The following DEPDC1B variants were observed in gnomAD, a reference collection of about 807,000 sequenced individuals.
DEPDC1B encodes DEP domain-containing protein 1B.
A neutral mutation model predicts 66.5 loss-of-function variants in DEPDC1B; 51 were observed. The ratio of observed to expected loss-of-function variants is 0.77; its 90% CI spans 0.61 to 0.97. DEPDC1B has a LOEUF of 0.97. Among genes scored for constraint, DEPDC1B ranks in the 50% least tolerant of loss-of-function variants. DEPDC1B has a pLI of 0.00. For missense variants in DEPDC1B, 552 were observed against 637.1 expected, an observed-to-expected ratio of 0.87 and a Z score of 1.44; for synonymous variants, 226 against 223.6, an observed-to-expected ratio of 1.01 and a Z score of -0.10.
At chr5:60,618,296 A>C (rs767556911) in intron 7 of DEPDC1B, among the ~76,000 whole-genome samples, 4 of 152,206 alleles carry the variant, frequency 2.6e-5, no homozygotes, top group Non-Finnish European at 5.9e-5. Context: ...TCAGAGCAGA[A>C]CTGAAGGAAA....
At chr5:60,617,185 G>A (rs1314694210) in intron 7 of DEPDC1B, among the ~76,000 whole-genome samples, 1 of 152,172 alleles carries the variant, frequency 6.6e-6, no homozygotes, top group Non-Finnish European at 1.5e-5. Context: ...GCAAAATCAT[G>A]CCAAATTGTA....
intron 6 of DEPDC1B, among the ~76,000 whole-genome samples, chr5:60,642,094 C>T (rs1276536188): frequency 2.6e-5 from 4 of 152,194 alleles, no homozygotes; most frequent in South Asian, 2.1e-4. Flanking sequence ...TACTAATTCA[C>T]GAATTTAAAG....
intron 7 of DEPDC1B, among the ~76,000 whole-genome samples, chr5:60,610,579 A>C (rs1340139943): frequency 1.3e-5 from 2 of 152,250 alleles, no homozygotes; most frequent in African/African-American, 4.8e-5. Flanking sequence ...TGAATAATAA[A>C]TCATTTAATT....
rs79814060 is a variant in DEPDC1B at position 60,697,074 on chromosome 5, A to C, written c.48+2972T>G. On this transcript the variant is annotated intron_variant, in intron 1 of 10. Coordinates refer to ENST00000265036, the MANE Select transcript of DEPDC1B (RefSeq NM_018369.3). ...AACTCAGAATAAGTTCAAAGATTTAAGCAGTTTCTAGAAAAAAAATTTTTC... is the reference window on the plus strand; with the variant it reads ...AACTCAGAATAAGTTCAAAGATTTACGCAGTTTCTAGAAAAAAAATTTTTC... Among the ~76,000 whole-genome samples the C allele has an allele frequency of 2.9e-4, 44 of 152,350 alleles. 1 individual carries two copies. In the East Asian group the frequency reaches 8.1e-3, roughly 28 times the overall value.
chr5:60,675,667 T>C (rs1287798694), intron 2 of DEPDC1B, among the ~76,000 whole-genome samples: 1 of 152,122 alleles, frequency 6.6e-6, no homozygotes, highest in Non-Finnish European at 1.5e-5. Flanking sequence ...TACAGAGCAG[T>C]TACAGGGTCT....
chr5:60,691,088 G>A (rs1421176555), intron 1 of DEPDC1B, among the ~76,000 whole-genome samples: 1 of 146,856 alleles, frequency 6.8e-6, no homozygotes, highest in African/African-American at 2.5e-5. Context: ...GAGTCTCACC[G>A]TATAGTCCAG....
Position 60,599,106 on chromosome 5 carries a change from G to T in DEPDC1B, c.1397C>A (p.Ser466Tyr). Residue 466 changes from serine (S) to tyrosine (Y), a missense_variant, in exon 10 of 11, where the codon TCC (serine) becomes TAC (tyrosine). Coordinates refer to ENST00000265036, the MANE Select transcript of DEPDC1B (RefSeq NM_018369.3). ...CAGTTTCTTCTTTTTCTCTTTGTTG[G>T]AGAGTTTGGCATCTGTTATGACTTC... ...LEEVITDAKL[S>Y]NKEKKKKLKQ... 6.2e-7 allele frequency: 1 copy of T among 1,602,666 alleles called. No individual in the cohort carries two copies. Among genetic ancestry groups the T allele is most frequent in the East Asian group, 2.2e-5 (1 of 44,582 alleles).
At chr5:60,673,737 T>C (rs535615700) in intron 2 of DEPDC1B, among the ~76,000 whole-genome samples, 1 of 152,358 alleles carries the variant, frequency 6.6e-6, no homozygotes, top group South Asian at 2.1e-4. Context: ...CAGCAAGTTA[T>C]AGTTTAGAAC....
intron 7 of DEPDC1B, among the ~76,000 whole-genome samples, chr5:60,627,409 A>C (rs1752829005): frequency 6.6e-6 from 1 of 152,078 alleles, no homozygotes; most frequent in African/African-American, 2.4e-5. Context: ...TGGTTTAAGA[A>C]GTTCTGAAGG....
At position 60,647,494 on chromosome 5, in the gene DEPDC1B, C is replaced by T; in HGVS notation, c.354G>A (p.Lys118=). 1 of 1,612,174 alleles carries T rather than the reference C, an allele frequency of 6.2e-7. No individual in the cohort carries two copies. The highest frequency in any genetic ancestry group is 8.5e-7 in the Non-Finnish European group (1 of 1,179,340). The change falls in exon 3 of 11, where the codon AAG becomes AAA. Residue 118 remains lysine, a synonymous_variant. Coordinates refer to ENST00000265036, the MANE Select transcript of DEPDC1B (RefSeq NM_018369.3). ...TAATAACATCCTTTTGGTTTGGGGG[C>T]TTCTTTGGATATGGTTTCAGGGGTG... ...PSSPLKPYPK[K]PPNQKDVIKF...
chr5:60,662,481 C>T (rs1753741863), intron 2 of DEPDC1B, among the ~76,000 whole-genome samples: 1 of 151,918 alleles, frequency 6.6e-6, no homozygotes, highest in African/African-American at 2.4e-5. Flanking sequence ...TAATAGAGAT[C>T]AAGAGGAACA....
intron 7 of DEPDC1B, among the ~76,000 whole-genome samples, chr5:60,616,586 A>C (rs1051087157): frequency 1.3e-5 from 2 of 151,976 alleles, no homozygotes; most frequent in Admixed American, 6.6e-5. Flanking sequence ...AAGTTTACAG[A>C]AAAAAGAATA....
chr5:60,655,613 C>A (rs1232621921), intron 2 of DEPDC1B, among the ~76,000 whole-genome samples: 1 of 149,038 alleles, frequency 6.7e-6, no homozygotes, highest in Non-Finnish European at 1.5e-5. Flanking sequence ...TTTTTTGTTT[C>A]AATTTCATTT....
chr5:60,666,601 G>C (rs1753846282), intron 2 of DEPDC1B, among the ~76,000 whole-genome samples: 1 of 152,186 alleles, frequency 6.6e-6, no homozygotes, highest in African/African-American at 2.4e-5. Flanking sequence ...TGTCTGCCAA[G>C]ATTCCTGTGA....
intron 1 of DEPDC1B, among the ~76,000 whole-genome samples, chr5:60,692,816 G>A (rs565308316): frequency 1.3e-5 from 2 of 152,036 alleles, no homozygotes; most frequent in South Asian, 4.2e-4. Flanking sequence ...CAGTGAAAAT[G>A]AACGAACTAT....
chr5:60,671,057 T>G (rs1754023572), intron 2 of DEPDC1B, among the ~76,000 whole-genome samples: 2 of 152,086 alleles, frequency 1.3e-5, no homozygotes, highest in Non-Finnish European at 2.9e-5. Context: ...ACAGAAACAT[T>G]AGCTCAAAAA....
chr5:60,680,381 C>T (rs1022495397), intron 2 of DEPDC1B, among the ~76,000 whole-genome samples: 3 of 152,088 alleles, frequency 2.0e-5, no homozygotes, highest in African/African-American at 7.2e-5. Flanking sequence ...ATTCACTCCT[C>T]CCTTCAATTT....
At chr5:60,626,979 T>C (rs1353399168) in intron 7 of DEPDC1B, among the ~76,000 whole-genome samples, 2 of 152,150 alleles carry the variant, frequency 1.3e-5, no homozygotes, top group Non-Finnish European at 2.9e-5. Context: ...GGGGTATCTA[T>C]AATACTTGTG....
chr5:60,699,614 C>T (rs6449485), intron 1 of DEPDC1B, among the ~76,000 whole-genome samples: 86,030 of 151,614 alleles, frequency 0.57, 24,702 homozygotes, highest in East Asian at 0.77. Context: ...TTCGAATACC[C>T]CGTCAGGTAT....
Sources: gnomAD v4.1 joint callset for allele counts (sites outside exome capture counted in the v4.1 genomes callset) on GRCh38, gnomAD v4.1.1 for gene constraint, MANE v1.5 for transcripts, NCBI Gene and HGNC (gene_info 2026-07-23, HGNC 2026-07-21) for gene names.